Variants in PRKG1 observed in about 807,000 individuals in gnomAD.
PRKG1 encodes cGMP-dependent protein kinase 1.
A neutral mutation model predicts 88.1 loss-of-function variants in PRKG1; 35 were observed. That is an observed-to-expected ratio of 0.40 (90% CI 0.30 to 0.53). PRKG1 has a LOEUF of 0.53. Among genes scored for constraint, PRKG1 ranks in the 20% least tolerant of loss-of-function variants. The probability of loss-of-function intolerance (pLI) is 0.59; values close to 1 mark genes in which losing one functional copy is unlikely to be tolerated. For synonymous variants in PRKG1, 303 were observed against 292.5 expected (o/e 1.04, Z -0.37); for missense variants, 540 against 839.8 (o/e 0.64, Z 4.41).
At chr10:51,665,985 G>A (rs529638921) in intron 3 of PRKG1, among the ~76,000 whole-genome samples, 1 of 152,042 alleles carries the variant, frequency 6.6e-6, no homozygotes, top group Non-Finnish European at 1.5e-5. Context: ...AATGTCCTGG[G>A]AAACTGTGAT....
chr10:52,271,265 C>T (rs1054782948), intron 10 of PRKG1, 85 bp from the exon 11 acceptor site: 64 of 1,379,218 alleles, frequency 4.6e-5, no homozygotes, highest in African/African-American at 1.3e-4. Context: ...CATTTAAGTG[C>T]GCCATGTACC....
At chr10:51,951,058 C>T (rs1293642282) in intron 5 of PRKG1, among the ~76,000 whole-genome samples, 1 of 152,170 alleles carries the variant, frequency 6.6e-6, no homozygotes, top group Non-Finnish European at 1.5e-5. Context: ...GGATAAAAGG[C>T]ATTATTCAGA....
chr10:51,779,878 C>A lies in PRKG1; in HGVS notation c.593-24707C>A, dbSNP rs909133449. Among the ~76,000 whole-genome samples, 3 of 152,106 alleles carry A rather than the reference C, an allele frequency of 2.0e-5. No individual in the cohort carries two copies. In the East Asian group the frequency reaches 5.8e-4, roughly 29 times the overall value. On this transcript the variant is annotated intron_variant, in intron 3 of 17. Transcript: ENST00000373980. ...TATTGATTTTGATGTTTTGCTACTTCATTTTATGTTGCTCAATGTCCATGA... is the reference window on the plus strand; with the variant it reads ...TATTGATTTTGATGTTTTGCTACTTAATTTTATGTTGCTCAATGTCCATGA...
At chr10:51,445,472 C>G (rs1313537438) in intron 2 of PRKG1, among the ~76,000 whole-genome samples, 9 of 151,934 alleles carry the variant, frequency 5.9e-5, no homozygotes, top group Non-Finnish European at 1.2e-4. Flanking sequence ...AACCATTTTT[C>G]CATACTTTAG....
chr10:51,865,672 C>T (rs1319737971), intron 4 of PRKG1, among the ~76,000 whole-genome samples: 1 of 151,880 alleles, frequency 6.6e-6, no homozygotes, highest in Non-Finnish European at 1.5e-5. Flanking sequence ...AAGTAATGTA[C>T]ATGCTTGGAT....
intron 2 of PRKG1, among the ~76,000 whole-genome samples, chr10:51,378,120 C>T (rs151130082): frequency 1.1e-4 from 16 of 152,320 alleles, no homozygotes; most frequent in Admixed American, 7.2e-4. Flanking sequence ...ATCCTTTCCT[C>T]TAGTCTGCAA....
At chr10:52,179,240 T>C (rs1309961062) in intron 9 of PRKG1, among the ~76,000 whole-genome samples, 1 of 152,188 alleles carries the variant, frequency 6.6e-6, no homozygotes. Flanking sequence ...TTCAAATGTG[T>C]GACTTCTGGG....
intron 3 of PRKG1, among the ~76,000 whole-genome samples, chr10:51,764,374 A>G (rs939368855): frequency 6.6e-6 from 1 of 152,178 alleles, no homozygotes; most frequent in Admixed American, 6.5e-5. Context: ...TTCAGATCGA[A>G]TAAATAGCTT....
At chr10:51,015,790 G>A (rs1427255993) in intron 1 of PRKG1, among the ~76,000 whole-genome samples, 1 of 152,222 alleles carries the variant, frequency 6.6e-6, no homozygotes, top group Non-Finnish European at 1.5e-5. Flanking sequence ...TGGAGGCTCA[G>A]GCAGGAGAAT....
intron 1 of PRKG1, among the ~76,000 whole-genome samples, chr10:51,005,042 A>G (rs534222471): frequency 1.3e-5 from 2 of 152,274 alleles, no homozygotes; most frequent in South Asian, 4.1e-4. Context: ...ACCTCGGTAG[A>G]GATTTCATTT....
At chr10:52,196,630 G>T (rs1165552301) in intron 9 of PRKG1, among the ~76,000 whole-genome samples, 1 of 152,176 alleles carries the variant, frequency 6.6e-6, no homozygotes, top group Admixed American at 6.5e-5. Flanking sequence ...AGACTCCAGG[G>T]TGTGTGTTAG....
intron 4 of PRKG1, among the ~76,000 whole-genome samples, chr10:51,901,282 G>A (rs905625392): frequency 6.6e-6 from 1 of 152,140 alleles, no homozygotes; most frequent in African/African-American, 2.4e-5. Flanking sequence ...TGATTAGTTT[G>A]TTCTGGTACT....
At chr10:51,278,804 C>T (rs1409201496) in intron 2 of PRKG1, among the ~76,000 whole-genome samples, 2 of 152,110 alleles carry the variant, frequency 1.3e-5, no homozygotes, top group African/African-American at 4.8e-5. Flanking sequence ...GTGATATCCC[C>T]TTTATCATTT....
chr10:51,541,382 A>G (rs776344927), intron 3 of PRKG1, among the ~76,000 whole-genome samples: 3 of 152,304 alleles, frequency 2.0e-5, no homozygotes, highest in Non-Finnish European at 4.4e-5. Flanking sequence ...TCCTTGGTTC[A>G]GGGGTTAGGG....
intron 10 of PRKG1, among the ~76,000 whole-genome samples, chr10:52,261,797 T>G (rs866787729): frequency 6.6e-6 from 1 of 152,074 alleles, no homozygotes; most frequent in African/African-American, 2.4e-5. Flanking sequence ...AATAATAGAA[T>G]TAGTATTTTT....
intron 5 of PRKG1, among the ~76,000 whole-genome samples, chr10:52,037,331 G>A (rs913302300): frequency 6.6e-6 from 1 of 152,332 alleles, no homozygotes; most frequent in East Asian, 1.9e-4. Context: ...TCTCACAGTG[G>A]AGGCAAGGAA....
chr10:51,873,178 T>G (rs1367631902), intron 4 of PRKG1, among the ~76,000 whole-genome samples: 1 of 152,176 alleles, frequency 6.6e-6, no homozygotes, highest in Non-Finnish European at 1.5e-5. Flanking sequence ...CATTCAAACT[T>G]AACTTGATGA....
At position 51,880,403 on chromosome 10, in the gene PRKG1, C is replaced by T. The variant is rs191266534; in HGVS notation, c.699-27104C>T. Among the ~76,000 whole-genome samples the T allele has an allele frequency of 5.3e-5, 8 of 152,262 alleles. No homozygotes were observed. In the East Asian group the frequency reaches 1.5e-3, roughly 29 times the overall value. On this transcript the variant is annotated intron_variant, in intron 4 of 17. Transcript: ENST00000373980. ...GCCCTTGTGTCTGGGACTAAGTCTA[C>T]TGGCTCTGCTCTGTCTTACCTCCTG...
intron 8 of PRKG1, among the ~76,000 whole-genome samples, chr10:52,155,108 CA>C (rs1838056646): frequency 6.6e-6 from 1 of 152,070 alleles, no homozygotes; most frequent in East Asian, 1.9e-4. Flanking sequence ...CATGCATGTG[CA>C]AGTGTCTTTT....
Sources: allele counts gnomAD v4.1 joint callset (sites outside exome capture counted in the v4.1 genomes callset), GRCh38; gene constraint gnomAD v4.1.1; transcripts MANE v1.5; gene names NCBI Gene and HGNC (gene_info 2026-07-23, HGNC 2026-07-21).